The following SDCCAG8 variants were observed in gnomAD, a reference collection of about 807,000 sequenced individuals.
SDCCAG8 encodes the protein serologically defined colon cancer antigen 8.
Under a neutral mutation model 101.8 loss-of-function variants are expected in SDCCAG8, and 74 were observed. That is an observed-to-expected ratio of 0.73 (90% CI 0.60 to 0.88). The LOEUF (loss-of-function observed/expected upper bound fraction) is 0.88. Among genes scored for constraint, SDCCAG8 ranks in the 40% least tolerant of loss-of-function variants. The pLI is 0.00. For synonymous variants in SDCCAG8, 281 were observed against 292.9 expected (o/e 0.96, Z 0.41); for missense variants, 787 against 822.6 (o/e 0.96, Z 0.53).
chr1:243,384,821 G>A (rs1268328834), intron 13 of SDCCAG8, among the ~76,000 whole-genome samples: 3 of 152,112 alleles, frequency 2.0e-5, no homozygotes, highest in Non-Finnish European at 4.4e-5. Context: ...TGCCTCGTAA[G>A]CATGTTCACT....
chr1:243,287,831 G>A (rs72757700), intron 5 of SDCCAG8, among the ~76,000 whole-genome samples: 7 of 152,322 alleles, frequency 4.6e-5, no homozygotes, highest in Non-Finnish European at 7.3e-5. Flanking sequence ...TGGAAGAAGG[G>A]GAAGTGAAGT....
At chr1:243,497,307 C>T (rs1376942621) in intron 17 of SDCCAG8, among the ~76,000 whole-genome samples, 1 of 109,658 alleles carries the variant, frequency 9.1e-6, no homozygotes, top group Non-Finnish European at 1.8e-5. Context: ...TGAACGCTCA[C>T]CATGGGTCAG....
At chr1:243,269,702 C>G (rs2067929214) in intron 1 of SDCCAG8, among the ~76,000 whole-genome samples, 1 of 152,064 alleles carries the variant, frequency 6.6e-6, no homozygotes, top group Non-Finnish European at 1.5e-5. Context: ...GCTGGCTCTT[C>G]CCACCTCCCC....
chr1:243,279,807 T>C (rs2068878363), intron 4 of SDCCAG8, among the ~76,000 whole-genome samples: 1 of 152,218 alleles, frequency 6.6e-6, no homozygotes, highest in Non-Finnish European at 1.5e-5. Flanking sequence ...GATTTGCTAG[T>C]ATTTTATTGA....
At chr1:243,285,870 C>T (rs946480674) in intron 4 of SDCCAG8, among the ~76,000 whole-genome samples, 3 of 152,170 alleles carry the variant, frequency 2.0e-5, no homozygotes, top group African/African-American at 7.2e-5. Flanking sequence ...CTCAGAGCCT[C>T]CCTCTATTTA....
intron 1 of SDCCAG8, among the ~76,000 whole-genome samples, chr1:243,260,052 GTTTGAC>G (rs1180570296): frequency 2.0e-5 from 3 of 152,126 alleles, no homozygotes; most frequent in Non-Finnish European, 4.4e-5. Flanking sequence ...TGGATTTGCT[GTTTGAC>G]TTCTCTAAAG....
At chr1:243,375,855 T>G (rs1022856725) in intron 12 of SDCCAG8, among the ~76,000 whole-genome samples, 1 of 152,158 alleles carries the variant, frequency 6.6e-6, no homozygotes, top group Non-Finnish European at 1.5e-5. Flanking sequence ...ACGGTTGGAC[T>G]TGGTGCCATG....
intron 13 of SDCCAG8, among the ~76,000 whole-genome samples, chr1:243,392,208 A>T (rs1304327280): frequency 6.6e-6 from 1 of 152,228 alleles, no homozygotes; most frequent in African/African-American, 2.4e-5. Flanking sequence ...GTTCAGGTAA[A>T]ATAAATTAAT....
chr1:243,365,361 T>C (rs1045551235), intron 12 of SDCCAG8, among the ~76,000 whole-genome samples: 2 of 152,136 alleles, frequency 1.3e-5, no homozygotes, highest in Non-Finnish European at 2.9e-5. Flanking sequence ...GAGTACACTT[T>C]AGAAAAAAAT....
chr1:243,264,594 A>C (rs990945616), intron 1 of SDCCAG8, among the ~76,000 whole-genome samples: 1 of 152,146 alleles, frequency 6.6e-6, no homozygotes, highest in African/African-American at 2.4e-5. Context: ...AGCCTGGGCA[A>C]CCAGAGCGAA....
chr1:243,295,580 C>T (rs1485749922), intron 6 of SDCCAG8, among the ~76,000 whole-genome samples: 1 of 152,196 alleles, frequency 6.6e-6, no homozygotes, highest in Non-Finnish European at 1.5e-5. Flanking sequence ...TGTAGGCATG[C>T]AGACCACTCA....
chr1:243,339,866 T>C (rs1187741362), intron 10 of SDCCAG8, among the ~76,000 whole-genome samples: 2 of 152,246 alleles, frequency 1.3e-5, no homozygotes, highest in African/African-American at 4.8e-5. Flanking sequence ...ATTTAAAATG[T>C]GTCACCAGTT....
chr1:243,320,387 C>T (rs919668012), intron 9 of SDCCAG8, among the ~76,000 whole-genome samples: 34 of 152,286 alleles, frequency 2.2e-4, no homozygotes, highest in Middle Eastern at 3.4e-3. Context: ...TAAAATTCTT[C>T]GGTGAATTTT....
At chr1:243,276,977 T>G (rs2068625406) in intron 4 of SDCCAG8, among the ~76,000 whole-genome samples, 2 of 152,234 alleles carry the variant, frequency 1.3e-5, no homozygotes, top group Non-Finnish European at 2.9e-5. Flanking sequence ...CATAACTTGA[T>G]AGCTCATTTC....
intron 13 of SDCCAG8, 119 bp from the exon 14 acceptor site, chr1:243,415,583 C>T (rs1467142540): frequency 2.7e-5 from 38 of 1,413,064 alleles, no homozygotes; most frequent in Non-Finnish European, 3.7e-5. Flanking sequence ...TAGAAAGGTC[C>T]TTGTCTTCTT....
At chr1:243,327,766 G>GAGTT (rs1165605248) in intron 9 of SDCCAG8, among the ~76,000 whole-genome samples, 6 of 152,136 alleles carry the variant, frequency 3.9e-5, no homozygotes, top group Non-Finnish European at 8.8e-5. Flanking sequence ...CAGTGTGAGA[G>GAGTT]AGTTATCTTT....
intron 16 of SDCCAG8, among the ~76,000 whole-genome samples, chr1:243,446,231 A>T (rs1182184170): frequency 6.6e-6 from 1 of 152,216 alleles, no homozygotes. Flanking sequence ...ACTGGTTAAG[A>T]AGAATGTGCA....
intron 12 of SDCCAG8, among the ~76,000 whole-genome samples, chr1:243,352,810 T>A (rs955636379): frequency 2.0e-5 from 3 of 152,216 alleles, no homozygotes; most frequent in Non-Finnish European, 4.4e-5. Flanking sequence ...TTTGCAAATA[T>A]AAATAGATTC....
At chr1:243,270,065 G>C in intron 1 of SDCCAG8, 40 bp from the exon 2 acceptor site, 2 of 1,613,998 alleles carry the variant, frequency 1.2e-6, no homozygotes, top group Non-Finnish European at 1.7e-6. Flanking sequence ...TGGTCAACCA[G>C]ACTCCATGGG....
Sources: allele counts gnomAD v4.1 joint callset (sites outside exome capture counted in the v4.1 genomes callset), GRCh38; gene constraint gnomAD v4.1.1; transcripts MANE v1.5; gene names NCBI Gene and HGNC (gene_info 2026-07-23, HGNC 2026-07-21).